The following RPRD1B variants were observed in gnomAD, a reference collection of about 807,000 sequenced individuals.
The protein encoded by RPRD1B is regulation of nuclear pre-mRNA domain containing 1B, also known as regulation of nuclear pre-mRNA domain-containing protein 1B.
RPRD1B carries 11 observed loss-of-function variants against 41.5 expected under a neutral mutation model. That is an observed-to-expected ratio of 0.27 (90% CI 0.17 to 0.44). The LOEUF is 0.44. RPRD1B is among the 20% of genes least tolerant of loss of function. The pLI, the probability that RPRD1B is intolerant of heterozygous loss-of-function variation, is 1.00. For synonymous variants in RPRD1B, 158 were observed against 155.6 expected (o/e 1.02, Z -0.12); for missense variants, 248 against 389.9 (o/e 0.64, Z 3.06).
intron 6 of RPRD1B, among the ~76,000 whole-genome samples, chr20:38,074,620 G>C (rs935019353): frequency 1.2e-4 from 18 of 152,158 alleles, no homozygotes; most frequent in African/African-American, 4.3e-4. Flanking sequence ...GTTTCAGCTG[G>C]TATATGTAGC....
Position 38,090,085 on chromosome 20 carries a change from A to G in RPRD1B, c.*210A>G, listed in dbSNP as rs557768428. On this transcript the variant is annotated 3_prime_UTR_variant, in exon 7 of 7. Transcript: ENST00000373433. ...GGCGACTGGAATCTGGTTTATATTC[A>G]TATTTGCAAAGACTACAGACTTTTT... The G allele has an allele frequency of 7.9e-5, 101 of 1,285,284 alleles. 2 individuals are homozygous for G. In the Middle Eastern group the frequency reaches 1.8e-3, roughly 23 times the overall value. The allele number at this position is 1,285,284 out of a possible 1,614,324, so 79.6% of individuals were successfully genotyped here.
intron 1 of RPRD1B, among the ~76,000 whole-genome samples, chr20:38,034,334 A>C (rs1402949468): frequency 1.3e-5 from 2 of 152,182 alleles, no homozygotes; most frequent in African/African-American, 4.8e-5. Context: ...CTTCTAGTTC[A>C]TCAAGCCATT....
chr20:38,034,171 T>TA, intron 1 of RPRD1B, 73 bp downstream of exon 1: 1 of 1,479,888 alleles, frequency 6.8e-7, no homozygotes, highest in Non-Finnish European at 9.2e-7. Context: ...TAGGCCCCTC[T>TA]AAGCCTCTTC....
At chr20:38,068,298 A>G (rs531691621) in intron 6 of RPRD1B, among the ~76,000 whole-genome samples, 1 of 152,326 alleles carries the variant, frequency 6.6e-6, no homozygotes, top group East Asian at 1.9e-4. Context: ...GAAGGTTCTT[A>G]TCTCAAACCA....
intron 6 of RPRD1B, among the ~76,000 whole-genome samples, chr20:38,078,028 T>G (rs992909898): frequency 6.6e-6 from 1 of 152,012 alleles, no homozygotes; most frequent in Non-Finnish European, 1.5e-5. Flanking sequence ...ATTAAAAAAT[T>G]AGCTGGGCAT....
intron 6 of RPRD1B, among the ~76,000 whole-genome samples, chr20:38,089,039 T>C (rs750724433): frequency 6.6e-6 from 1 of 152,212 alleles, no homozygotes; most frequent in Non-Finnish European, 1.5e-5. Flanking sequence ...GACCTTGAAC[T>C]CTGCTCTGAA....
At position 38,091,149 on chromosome 20, in the gene RPRD1B, GA is replaced by G. The variant is rs2074608851; in HGVS notation, c.*1277del. 1.0e-6 allele frequency: 1 copy of G among 985,636 alleles called. No homozygotes were observed. The highest frequency in any genetic ancestry group is 1.2e-6 in the Non-Finnish European group (1 of 829,910). The allele number at this position is 985,636 out of a possible 1,614,324, so 61.1% of individuals were successfully genotyped here. On this transcript the variant is annotated 3_prime_UTR_variant, in exon 7 of 7. Coordinates refer to ENST00000373433, the MANE Select transcript of RPRD1B (RefSeq NM_021215.4). ...TTTGGCAGGCTTATTTTTGACATTG[GA>G]AAGGGCAGAAAGCGATTTGCCCCAG...
At chr20:38,041,869 T>C (rs990866157) in intron 2 of RPRD1B, among the ~76,000 whole-genome samples, 18 of 152,204 alleles carry the variant, frequency 1.2e-4, no homozygotes, top group Non-Finnish European at 2.2e-4. Flanking sequence ...TGCTCATTCA[T>C]TGGATCATTT....
At chr20:38,060,867 C>CA (rs1207676035) in intron 5 of RPRD1B, among the ~76,000 whole-genome samples, 2 of 152,160 alleles carry the variant, frequency 1.3e-5, no homozygotes, top group Non-Finnish European at 2.9e-5. Flanking sequence ...TCCTCACACA[C>CA]ACCTTCAACC....
chr20:38,057,479 A>T, intron 3 of RPRD1B, 53 bp from the exon 4 acceptor site: 2 of 1,276,868 alleles, frequency 1.6e-6, no homozygotes, highest in East Asian at 2.3e-5. Flanking sequence ...ATAGCATGTG[A>T]CTTATCACTA....
chr20:38,080,802 G>A (rs571031453), intron 6 of RPRD1B, among the ~76,000 whole-genome samples: 40 of 152,296 alleles, frequency 2.6e-4, no homozygotes, highest in Middle Eastern at 3.4e-3. Context: ...TGGGATTATA[G>A]GCATGAGCCA....
chr20:38,070,738 ATT>A (rs201175296), intron 6 of RPRD1B: 4,760 of 870,918 alleles, frequency 5.5e-3, no homozygotes, highest in Non-Finnish European at 6.0e-3. Context: ...CTTAACTGTG[ATT>A]TTTTTTTTTT....
At chr20:38,082,115 C>CT (rs1227858000) in intron 6 of RPRD1B, among the ~76,000 whole-genome samples, 1 of 152,082 alleles carries the variant, frequency 6.6e-6, no homozygotes, top group Non-Finnish European at 1.5e-5. Context: ...TTTGGGAATA[C>CT]TTTCAGTAGT....
intron 3 of RPRD1B, among the ~76,000 whole-genome samples, chr20:38,049,977 C>A (rs1381637871): frequency 6.6e-6 from 1 of 152,196 alleles, no homozygotes; most frequent in Non-Finnish European, 1.5e-5. Context: ...TCTGCTGTTA[C>A]CTCTACTTGA....
chr20:38,070,155 T>A (rs1297859040), intron 6 of RPRD1B: 20 of 976,622 alleles, frequency 2.0e-5, no homozygotes, highest in Non-Finnish European at 2.4e-5. Flanking sequence ...TTTTTTCCTT[T>A]AAGTAGAATT....
chr20:38,070,312 G>GTT (rs1600426316), intron 6 of RPRD1B: 14 of 985,294 alleles, frequency 1.4e-5, no homozygotes, highest in Non-Finnish European at 6.0e-6. Flanking sequence ...TGTGGGTAAT[G>GTT]TTTTTGTCAT....
intron 3 of RPRD1B, among the ~76,000 whole-genome samples, chr20:38,054,368 C>G (rs1016066488): frequency 7.9e-5 from 12 of 152,144 alleles, no homozygotes; most frequent in African/African-American, 2.9e-4. Flanking sequence ...TGGTTAACAC[C>G]TATTGTGCCC....
chr20:38,040,589 G>A (rs768892089), intron 2 of RPRD1B, 25 bp downstream of exon 2: 112 of 1,579,478 alleles, frequency 7.1e-5, no homozygotes, highest in Non-Finnish European at 9.1e-5. Flanking sequence ...TTTTGGATTT[G>A]TTTTTAAATT....
Position 38,091,804 on chromosome 20 carries a change from T to G in RPRD1B, c.*1929T>G, listed in dbSNP as rs1376410897. ...CTAGATGAAAATATAGCAGAATGGA[T>G]TTAGCCCACTGCTCTGTTTTATCCA... is the stretch of plus-strand genomic sequence containing the variant. On this transcript the variant is annotated 3_prime_UTR_variant, in exon 7 of 7. Coordinates refer to ENST00000373433, the MANE Select transcript of RPRD1B (RefSeq NM_021215.4). The G allele has an allele frequency of 1.0e-6, 1 of 985,712 alleles. No homozygotes were observed. The highest frequency in any genetic ancestry group is 1.2e-6 in the Non-Finnish European group (1 of 829,920). The allele number at this position is 985,712 out of a possible 1,614,324, so 61.1% of individuals were successfully genotyped here. A position where few individuals can be genotyped will look rare whatever the true frequency, so the allele number is the denominator to read the frequency against.
Sources: gnomAD v4.1 joint callset for allele counts (sites outside exome capture counted in the v4.1 genomes callset) on GRCh38, gnomAD v4.1.1 for gene constraint, MANE v1.5 for transcripts, NCBI Gene and HGNC (gene_info 2026-07-23, HGNC 2026-07-21) for gene names.